Variants in LCE2C observed in about 807,000 individuals in gnomAD.
LCE2C encodes the protein late cornified envelope protein 2C.
For synonymous variants in LCE2C, 57 were observed against 51.0 expected, an observed-to-expected ratio of 1.12 and a Z score of -0.50; for missense variants, 179 against 141.3, an observed-to-expected ratio of 1.27 and a Z score of -1.35.
At position 152,676,514 on chromosome 1, in the gene LCE2C, A is replaced by G. The variant is rs749094729; in HGVS notation, c.*166A>G. On this transcript the variant is annotated 3_prime_UTR_variant, in exon 2 of 2. Coordinates refer to ENST00000368783, the MANE Select transcript of LCE2C (RefSeq NM_178429.5). ...GTGCTTGATGTAACACCCCAATTGC[A>G]AGTCTTCTTTTCCTCCTTTACCTCA... 6.7e-6 allele frequency: 6 copies of G among 889,112 alleles called. No individual in the cohort carries two copies. Among genetic ancestry groups the G allele is most frequent in the Non-Finnish European group, 1.0e-5 (6 of 595,174 alleles). 55.1% of individuals were successfully genotyped at this position (889,112 alleles called of 1,614,324 possible).
chr1:152,675,980 A>G lies in LCE2C; in HGVS notation c.-21-15A>G. 6.2e-7 allele frequency: 1 copy of G among 1,609,694 alleles called. No homozygotes were observed. Among genetic ancestry groups the G allele is most frequent in the Non-Finnish European group, 8.5e-7 (1 of 1,177,620 alleles). On this transcript the variant is annotated splice_polypyrimidine_tract_variant and intron_variant, in intron 1 of 1. Coordinates refer to ENST00000368783, the MANE Select transcript of LCE2C (RefSeq NM_178429.5). ...TGGTTTGAAATATTTAAAGAGTTTC[A>G]TTATTATCTTTCAGGTTGACTAAAC... is the stretch of plus-strand genomic sequence containing the variant.
chr1:152,675,922 G>A (rs1339862079), intron 1 of LCE2C, 73 bp from the exon 2 acceptor site: 24 of 1,431,444 alleles, frequency 1.7e-5, no homozygotes, highest in Non-Finnish European at 2.3e-5. Context: ...TTCTACACAT[G>A]CATTGATTTT....
Position 152,676,512 on chromosome 1 carries a change from G to A in LCE2C, c.*164G>A, listed in dbSNP as rs1056592631. 25 of 906,564 alleles carry A rather than the reference G, an allele frequency of 2.8e-5. No individual in the cohort carries two copies. Among genetic ancestry groups the A allele is most frequent in the Admixed American group, 9.0e-5 (3 of 33,214 alleles). 56.2% of individuals were successfully genotyped at this position (906,564 alleles called of 1,614,324 possible). ...TCGTGCTTGATGTAACACCCCAATTGCAAGTCTTCTTTTCCTCCTTTACCT... is the reference window on the plus strand; with the variant it reads ...TCGTGCTTGATGTAACACCCCAATTACAAGTCTTCTTTTCCTCCTTTACCT... On this transcript the variant is annotated 3_prime_UTR_variant, in exon 2 of 2. Coordinates refer to ENST00000368783, the MANE Select transcript of LCE2C (RefSeq NM_178429.5).
At chr1:152,675,367 G>A (rs1207124738) in intron 1 of LCE2C, 39 bp downstream of exon 1, 1 of 153,182 alleles carries the variant, frequency 6.5e-6, no homozygotes, top group Non-Finnish European at 1.5e-5. Flanking sequence ...GTATGAGCAA[G>A]GCAGAGGGAT....
At position 152,676,484 on chromosome 1, in the gene LCE2C, A is replaced by C. The variant is rs915486992; in HGVS notation, c.*136A>C. On this transcript the variant is annotated 3_prime_UTR_variant, in exon 2 of 2. Coordinates refer to ENST00000368783, the MANE Select transcript of LCE2C (RefSeq NM_178429.5). ...AGACTCATGGGGCTTTCCTGGAAGA[A>C]CTTCGTGCTTGATGTAACACCCCAA... is the stretch of plus-strand genomic sequence containing the variant. 10 of 1,289,258 alleles carry C rather than the reference A, an allele frequency of 7.8e-6. No individual in the cohort carries two copies. In the African/African-American group the frequency reaches 1.5e-4, roughly 19 times the overall value. The allele number at this position is 1,289,258 out of a possible 1,614,324, so 79.9% of individuals were successfully genotyped here.
chr1:152,675,856 T>G, intron 1 of LCE2C, 139 bp from the exon 2 acceptor site: 1 of 1,022,170 alleles, frequency 9.8e-7, no homozygotes, highest in Non-Finnish European at 1.4e-6. Flanking sequence ...GAGGAAAGAT[T>G]CAAGTTGTTT....
At position 152,676,347 on chromosome 1, in the gene LCE2C, G is replaced by C. The variant is rs768048704; in HGVS notation, c.332G>C (p.Ter111SerextTer10). Residue 111 changes from the stop codon to serine (S), a stop_lost, in exon 2 of 2, where the codon TGA (stop) becomes TCA (serine). Transcript: ENST00000368783. ...GCCHSSGGCC[*>S] ...TGCCACAGCTCTGGGGGCTGCTGCT[G>C]ACCTGGGCTACAGAAGAGCTCTTGG... The C allele has an allele frequency of 6.2e-7, 1 of 1,607,984 alleles. No homozygotes were observed. The highest frequency in any genetic ancestry group is 8.5e-7 in the Non-Finnish European group (1 of 1,177,210).
intron 1 of LCE2C, 150 bp from the exon 2 acceptor site, chr1:152,675,845 A>G: frequency 2.1e-6 from 2 of 955,312 alleles, no homozygotes; most frequent in Non-Finnish European, 3.1e-6. Flanking sequence ...ACTTTTATCT[A>G]GAGGAAAGAT....
At chr1:152,675,570 C>A (rs546162901) in intron 1 of LCE2C, among the ~76,000 whole-genome samples, 40 of 152,312 alleles carry the variant, frequency 2.6e-4, no homozygotes, top group African/African-American at 9.1e-4. Context: ...AACTTCAAAA[C>A]TGCTGTGTTG....
chr1:152,675,953 C>T (rs1041262322), intron 1 of LCE2C, 42 bp from the exon 2 acceptor site: 39 of 1,583,210 alleles, frequency 2.5e-5, no homozygotes, highest in Non-Finnish European at 3.3e-5. Flanking sequence ...TAATATGATC[C>T]TTGGTTTGAA....
intron 1 of LCE2C, among the ~76,000 whole-genome samples, 163 bp downstream of exon 1, chr1:152,675,491 C>T (rs748692121): frequency 6.6e-6 from 1 of 151,990 alleles, no homozygotes; most frequent in Non-Finnish European, 1.5e-5. Flanking sequence ...CCTACCGGAG[C>T]TCATATAGGT....
Position 152,675,659 on chromosome 1 carries a change from C to T in LCE2C, c.-22+331C>T, listed in dbSNP as rs147118131. On this transcript the variant is annotated intron_variant, in intron 1 of 1. Transcript: ENST00000368783. ...TGGAGGTTTCATTGCAAAATATTTT[C>T]CAGAGGACCCCTTGGTATGTCCTGC... Among the ~76,000 whole-genome samples, 470 of 152,280 alleles carry T rather than the reference C, an allele frequency of 3.1e-3. 2 individuals carry two copies. Among genetic ancestry groups the T allele is most frequent in the African/African-American group, 9.7e-3 (401 of 41,550 alleles).
In LCE2C at chr1:152,676,098, G is replaced by C. The variant is rs771931518; in HGVS notation, c.83G>C (p.Cys28Ser). 5.0e-6 allele frequency: 8 copies of C among 1,614,086 alleles called. No homozygotes were observed. Among genetic ancestry groups the C allele is most frequent in the Admixed American group, 3.3e-5 (2 of 60,008 alleles). ...PKCTPKCPPK[C>S]PPKCPPQCPA... The stretch of plus-strand genomic sequence containing the variant: ...TGTACCCCAAAATGTCCACCTAAGT[G>C]TCCCCCCAAATGCCCACCACAGTGC... The change falls in exon 2 of 2, where the codon TGT becomes TCT. Residue 28 changes from cysteine (C) to serine (S), a missense_variant. Physicochemically the swap from Cys to Ser is moderately radical, Grantham distance 112. Transcript: ENST00000368783.
At position 152,676,441 on chromosome 1, in the gene LCE2C, G is replaced by A; in HGVS notation, c.*93G>A. 2 of 1,505,558 alleles carry A rather than the reference G, an allele frequency of 1.3e-6. No homozygotes were observed. The highest frequency in any genetic ancestry group is 2.3e-5 in the Admixed American group (1 of 43,640). 93.3% of individuals were successfully genotyped at this position (1,505,558 alleles called of 1,614,324 possible). On this transcript the variant is annotated 3_prime_UTR_variant, in exon 2 of 2. Coordinates refer to ENST00000368783, the MANE Select transcript of LCE2C (RefSeq NM_178429.5). ...TCCACTTCCTCTCATTCCATTCATTGGTTGGCAGAGACCACAAAGACTCAT... is the reference window on the plus strand; with the variant it reads ...TCCACTTCCTCTCATTCCATTCATTAGTTGGCAGAGACCACAAAGACTCAT...
chr1:152,676,142 G>T lies in LCE2C; in HGVS notation c.127G>T (p.Ala43Ser). ...ACAGTGCCCAGCTCCATGTTTCCCTGCAGTCTCTTCTTGCTGTGGTCCCAG... is the reference window on the plus strand; with the variant it reads ...ACAGTGCCCAGCTCCATGTTTCCCTTCAGTCTCTTCTTGCTGTGGTCCCAG... ...PPQCPAPCFP[A>S]VSSCCGPSSG... is the part of the protein sequence containing the mutation. Residue 43 changes from alanine to serine, a missense_variant, in exon 2 of 2, where the codon GCA becomes TCA. Ala to Ser is a moderately conservative substitution (Grantham distance 99, BLOSUM62 1). Coordinates refer to ENST00000368783, the MANE Select transcript of LCE2C (RefSeq NM_178429.5). 3 of 1,614,140 alleles carry T rather than the reference G, an allele frequency of 1.9e-6. No homozygotes were observed. Among genetic ancestry groups the T allele is most frequent in the Non-Finnish European group, 2.5e-6 (3 of 1,180,022 alleles).
chr1:152,676,176 G>A lies in LCE2C; in HGVS notation c.161G>A (p.Ser54Asn), dbSNP rs1356684560. The change falls in exon 2 of 2, where the codon AGC becomes AAC. Residue 54 changes from serine (S) to asparagine (N), a missense_variant. Ser to Asn is a conservative substitution (Grantham distance 46). Transcript: ENST00000368783. ...TCTTGCTGTGGTCCCAGCTCTGGGA[G>A]CTGCTGTGGTCCCAGCTCTGGGGGC... Reference protein sequence around the residue: ...VSSCCGPSSGSCCGPSSGGCC... With the variant: ...VSSCCGPSSGNCCGPSSGGCC... 3.1e-6 allele frequency: 5 copies of A among 1,613,918 alleles called. No individual in the cohort carries two copies. Among genetic ancestry groups the A allele is most frequent in the Non-Finnish European group, 4.2e-6 (5 of 1,179,918 alleles).
rs368735730 is a variant in LCE2C, at chr1:152,676,383, C to T, written c.*35C>T. On this transcript the variant is annotated 3_prime_UTR_variant, in exon 2 of 2. Transcript: ENST00000368783. The stretch of plus-strand genomic sequence containing the variant: ...CAGAAGAGCTCTTGGGACTGAATGG[C>T]CAAGAACCTGCTACGGCCTGATGGA... The T allele has an allele frequency of 6.9e-5, 108 of 1,567,422 alleles. No homozygotes were observed. The highest frequency in any genetic ancestry group is 8.4e-5 in the Non-Finnish European group (98 of 1,161,014).
rs768082821 is a variant in LCE2C, at chr1:152,676,203, G to A, written c.188G>A (p.Cys63Tyr). ...TGCTGTGGTCCCAGCTCTGGGGGCT[G>A]CTGCAGCTCTGGGGCTGGTGGCTGC... ...GSCCGPSSGG[C>Y]CSSGAGGCSL... Residue 63 changes from cysteine to tyrosine, a missense_variant, in exon 2 of 2, where the codon TGC (cysteine) becomes TAC (tyrosine). Transcript: ENST00000368783. 1 of 1,614,092 alleles carries A rather than the reference G, an allele frequency of 6.2e-7. No individual in the cohort carries two copies. The highest frequency in any genetic ancestry group is 8.5e-7 in the Non-Finnish European group (1 of 1,180,022).
intron 1 of LCE2C, among the ~76,000 whole-genome samples, chr1:152,675,584 A>T (rs1648825367): frequency 6.6e-6 from 1 of 152,204 alleles, no homozygotes; most frequent in Non-Finnish European, 1.5e-5. Flanking sequence ...TGTGTTGGGC[A>T]TATTTACACC....
Sources: allele counts gnomAD v4.1 joint callset (sites outside exome capture counted in the v4.1 genomes callset), GRCh38; gene constraint gnomAD v4.1.1; transcripts MANE v1.5; gene names NCBI Gene and HGNC (gene_info 2026-07-23, HGNC 2026-07-21).